CDIN1: variants seen among roughly 807,000 people sequenced by gnomAD.
CDIN1 encodes the protein CDAN1 interacting nuclease 1.
Under a neutral mutation model 45.3 loss-of-function variants are expected in CDIN1, and 33 were observed. That is an observed-to-expected ratio of 0.73 (90% CI 0.55 to 0.97). The LOEUF (loss-of-function observed/expected upper bound fraction) is 0.97. CDIN1 is among the 50% of genes least tolerant of loss of function. CDIN1 has a pLI of 0.00. For missense variants in CDIN1, 303 were observed against 339.4 expected (o/e 0.89, Z 0.84); for synonymous variants, 118 against 124.4 (o/e 0.95, Z 0.34).
Position 36,620,673 on chromosome 15 carries a change from A to G in CDIN1, c.102-23605A>G, listed in dbSNP as rs1454710027. 5.3e-5 allele frequency among the ~76,000 whole-genome samples: 8 copies of G among 152,348 alleles called. No individual in the cohort carries two copies. The East Asian group carries it at 1.5e-3, about 29-fold the overall frequency. ...TCACACATTGAGAATTTTAGGTCCC[A>G]AGATGGTAAGGCGGACTGACCTTAC... On this transcript the variant is annotated intron_variant, in intron 1 of 10. Coordinates refer to ENST00000566621, the MANE Select transcript of CDIN1 (RefSeq NM_001321759.2).
rs1477516271 is a variant in CDIN1, at chr15:36,793,866, T to C, written c.717-14458T>C. Among the ~76,000 whole-genome samples, 3 of 152,132 alleles carry C rather than the reference T, an allele frequency of 2.0e-5. No homozygotes were observed. In the East Asian group the frequency reaches 5.8e-4, roughly 29 times the overall value. ...GCCAGCATCAGTGTCCCAATGCTTT[T>C]CCGTGTTCTTTTTGCAAGTGCCGTG... On this transcript the variant is annotated intron_variant, in intron 10 of 10. Coordinates refer to ENST00000566621, the MANE Select transcript of CDIN1 (RefSeq NM_001321759.2).
chr15:36,808,571 C>T lies in CDIN1; in HGVS notation c.*118C>T. ...CTGAACTTCAGCTGAACTCTTGCTG[C>T]CCGTAGTCACACCACTACCTCTTTA... On this transcript the variant is annotated 3_prime_UTR_variant, in exon 11 of 11. Coordinates refer to ENST00000566621, the MANE Select transcript of CDIN1 (RefSeq NM_001321759.2). The T allele has an allele frequency of 7.6e-7, 1 of 1,321,514 alleles. No individual in the cohort carries two copies. Among genetic ancestry groups the T allele is most frequent in the Non-Finnish European group, 1.0e-6 (1 of 962,786 alleles). The allele number at this position is 1,321,514 out of a possible 1,614,324, so 81.9% of individuals were successfully genotyped here.
chr15:36,651,062 C>CA (rs879490804), intron 3 of CDIN1, among the ~76,000 whole-genome samples: 1,527 of 144,396 alleles, frequency 0.011, 12 homozygotes, highest in Non-Finnish European at 0.016. Flanking sequence ...GACTTCATCT[C>CA]AAAAAAAAAA....
At chr15:36,648,646 G>T (rs1309627381) in intron 3 of CDIN1, 1 of 151,924 alleles carries the variant, frequency 6.6e-6, no homozygotes, top group East Asian at 1.9e-4. Flanking sequence ...TTGCCAGGAT[G>T]GTCTCGATCT....
At chr15:36,595,464 A>G (rs1172974057) in intron 1 of CDIN1, among the ~76,000 whole-genome samples, 1 of 152,076 alleles carries the variant, frequency 6.6e-6, no homozygotes, top group Non-Finnish European at 1.5e-5. Context: ...GATTTGTCAT[A>G]AAAGAAATTA....
Position 36,809,125 on chromosome 15 carries a change from T to G in CDIN1, c.*672T>G. ...ATACACTTGATGAGAATTTCCTCTT[T>G]TAATAATGTTATTTGAACACCACAT... On this transcript the variant is annotated 3_prime_UTR_variant, in exon 11 of 11. Transcript: ENST00000566621. 3.0e-6 allele frequency: 1 copy of G among 331,396 alleles called. No individual in the cohort carries two copies. The highest frequency in any genetic ancestry group is 6.0e-6 in the Non-Finnish European group (1 of 167,212). The allele number at this position is 331,396 out of a possible 1,614,324, so 20.5% of individuals were successfully genotyped here. A position where few individuals can be genotyped will look rare whatever the true frequency, so the allele number is the denominator to read the frequency against.
chr15:36,646,300 G>A (rs2140415194), intron 3 of CDIN1, among the ~76,000 whole-genome samples: 1 of 152,240 alleles, frequency 6.6e-6, no homozygotes, highest in South Asian at 2.1e-4. Flanking sequence ...ATATTGAACA[G>A]GAAAGTCACA....
intron 1 of CDIN1, among the ~76,000 whole-genome samples, chr15:36,635,953 A>G (rs2039881156): frequency 6.6e-6 from 1 of 152,128 alleles, no homozygotes; most frequent in African/African-American, 2.4e-5. Flanking sequence ...AAGAGAAACT[A>G]AGAAACAGAG....
chr15:36,671,397 A>T (rs1236685600), intron 5 of CDIN1, among the ~76,000 whole-genome samples: 3 of 152,166 alleles, frequency 2.0e-5, no homozygotes, highest in African/African-American at 7.2e-5. Flanking sequence ...TAGGTTGACA[A>T]GTGGATGAAA....
intron 5 of CDIN1, among the ~76,000 whole-genome samples, chr15:36,679,076 T>G (rs2041756377): frequency 6.7e-6 from 1 of 150,232 alleles, no homozygotes; most frequent in African/African-American, 2.5e-5. Context: ...CACATTCACC[T>G]AATACACACA....
At chr15:36,732,744 AG>A (rs2043877228) in intron 10 of CDIN1, among the ~76,000 whole-genome samples, 1 of 151,920 alleles carries the variant, frequency 6.6e-6, no homozygotes, top group Non-Finnish European at 1.5e-5. Flanking sequence ...AAAAAAAGTC[AG>A]GGGAATTATC....
chr15:36,770,737 C>T (rs984978195), intron 10 of CDIN1, among the ~76,000 whole-genome samples: 11 of 152,208 alleles, frequency 7.2e-5, no homozygotes, highest in Non-Finnish European at 1.3e-4. Flanking sequence ...GCGTGAGCCA[C>T]CACGCCGAGC....
chr15:36,673,296 A>G (rs976684303), intron 5 of CDIN1, among the ~76,000 whole-genome samples: 7 of 152,078 alleles, frequency 4.6e-5, no homozygotes, highest in African/African-American at 1.7e-4. Context: ...ATATTAGCCA[A>G]TTTATATGCT....
At chr15:36,616,710 C>T (rs1013321795) in intron 1 of CDIN1, among the ~76,000 whole-genome samples, 2 of 151,922 alleles carry the variant, frequency 1.3e-5, no homozygotes, top group Non-Finnish European at 2.9e-5. Context: ...GTCAGGAGTT[C>T]GAGACCAGCC....
rs2039605153 is a variant in CDIN1 at position 36,629,782 on chromosome 15, G to A, written c.102-14496G>A. ...TTACTGCAAATTGGTGAGGAGAGGC[G>A]GGTGCTTCTAGGTCTTCATAACCTT... On this transcript the variant is annotated intron_variant, in intron 1 of 10. Coordinates refer to ENST00000566621, the MANE Select transcript of CDIN1 (RefSeq NM_001321759.2). Among the ~76,000 whole-genome samples, 7 of 152,218 alleles carry A rather than the reference G, an allele frequency of 4.6e-5. No homozygotes were observed. The South Asian group carries it at 8.3e-4, about 18-fold the overall frequency.
At chr15:36,806,966 A>G (rs2055249031) in intron 10 of CDIN1, among the ~76,000 whole-genome samples, 1 of 152,182 alleles carries the variant, frequency 6.6e-6, no homozygotes, top group South Asian at 2.1e-4. Flanking sequence ...CAGCTGATAA[A>G]TCTCAGTGGG....
At chr15:36,796,152 G>C (rs2141105091) in intron 10 of CDIN1, among the ~76,000 whole-genome samples, 1 of 152,210 alleles carries the variant, frequency 6.6e-6, no homozygotes, top group African/African-American at 2.4e-5. Flanking sequence ...ATCTGTGGTG[G>C]GGATTTAGTG....
Position 36,808,344 on chromosome 15 carries a change from T to A in CDIN1, c.737T>A (p.Ile246Asn). ...YWNRFGPGLV[I>N]YWYGFIQELD... ...TACAGATTTGGGCCAGGCTTAGTCA[T>A]CTATTGGTATGGATTTATCCAGGAG... The change falls in exon 11 of 11, where the codon ATC becomes AAC. Residue 246 changes from isoleucine (I) to asparagine (N), a missense_variant. Physicochemically the swap from Ile to Asn is moderately radical, Grantham distance 149. Coordinates refer to ENST00000566621, the MANE Select transcript of CDIN1 (RefSeq NM_001321759.2). 3 of 1,613,504 alleles carry A rather than the reference T, an allele frequency of 1.9e-6. No individual in the cohort carries two copies. The highest frequency in any genetic ancestry group is 2.5e-6 in the Non-Finnish European group (3 of 1,179,562).
At chr15:36,773,390 A>G (rs181426832) in intron 10 of CDIN1, among the ~76,000 whole-genome samples, 1 of 152,356 alleles carries the variant, frequency 6.6e-6, no homozygotes, top group East Asian at 1.9e-4. Context: ...TTGCCATTCA[A>G]CACTGGAAAT....
Sources: allele counts gnomAD v4.1 joint callset (sites outside exome capture counted in the v4.1 genomes callset), GRCh38; gene constraint gnomAD v4.1.1; transcripts MANE v1.5; gene names NCBI Gene and HGNC (gene_info 2026-07-23, HGNC 2026-07-21).